DISC1: variants seen among roughly 807,000 people sequenced by gnomAD.
The protein encoded by DISC1 is DISC1 scaffold protein.
Under a neutral mutation model 84.5 loss-of-function variants are expected in DISC1, and 57 were observed. The observed-to-expected ratio is 0.67, with a 90% CI of 0.55 to 0.84. DISC1 has a LOEUF of 0.84. Among genes scored for constraint, DISC1 ranks in the 40% least tolerant of loss-of-function variants. The pLI is 0.00. For missense variants in DISC1, 1,000 were observed against 1,057.8 expected (o/e 0.95, Z 0.76); for synonymous variants, 411 against 415.2 (o/e 0.99, Z 0.12).
chr1:231,941,512 C>CG (rs2091341258), intron 9 of DISC1, among the ~76,000 whole-genome samples: 1 of 151,206 alleles, frequency 6.6e-6, no homozygotes, highest in Non-Finnish European at 1.5e-5. Flanking sequence ...CTTGCTCTGT[C>CG]ACCAGGCTGG....
chr1:231,779,760 C>T lies in DISC1; in HGVS notation c.1634+8690C>T, dbSNP rs192291035. 1.3e-4 allele frequency among the ~76,000 whole-genome samples: 20 copies of T among 151,808 alleles called. No individual in the cohort carries two copies. The East Asian group carries it at 1.4e-3, about 10-fold the overall frequency. On this transcript the variant is annotated intron_variant, in intron 6 of 12. Coordinates refer to ENST00000439617, the MANE Select transcript of DISC1 (RefSeq NM_018662.3). The stretch of plus-strand genomic sequence containing the variant: ...ATTTTTAGTAGAGATGGGGTTTCAC[C>T]GTGTTAGCCAGGATGGTCTCAATCT...
chr1:231,731,382 C>G (rs2071491234), intron 3 of DISC1, among the ~76,000 whole-genome samples: 1 of 152,154 alleles, frequency 6.6e-6, no homozygotes, highest in African/African-American at 2.4e-5. Flanking sequence ...AGAGGTAGTT[C>G]ATGCAAAAAT....
intron 6 of DISC1, among the ~76,000 whole-genome samples, chr1:231,793,223 C>T (rs1489960601): frequency 1.3e-5 from 2 of 152,192 alleles, no homozygotes; most frequent in Non-Finnish European, 2.9e-5. Flanking sequence ...GATTTCCTGA[C>T]ACCCTGCACA....
intron 9 of DISC1, among the ~76,000 whole-genome samples, chr1:231,833,123 C>CAT (rs2082366248): frequency 6.7e-6 from 1 of 149,398 alleles, no homozygotes; most frequent in African/African-American, 2.5e-5. Flanking sequence ...CAATGAGATT[C>CAT]AGCTGTAGTC....
chr1:231,887,140 G>C (rs60588012), intron 9 of DISC1, among the ~76,000 whole-genome samples: 1 of 151,906 alleles, frequency 6.6e-6, no homozygotes, highest in Non-Finnish European at 1.5e-5. Context: ...GATTACAGGC[G>C]TGAGCCACCG....
rs115085432 is a variant in DISC1, at chr1:231,978,090, T to A, written c.2042+19202T>A. Among the ~76,000 whole-genome samples the A allele has an allele frequency of 3.5e-3, 534 of 152,316 alleles. 3 individuals carry two copies. The highest frequency in any genetic ancestry group is 0.012 in the African/African-American group (503 of 41,550). ...CACATGTGGTTTTTTTTTTCCTGTA[T>A]TTTCCATAAACTGGTAGTTAGGTCT... On this transcript the variant is annotated intron_variant, in intron 10 of 12. Transcript: ENST00000439617.
chr1:231,779,207 C>T (rs2077188618), intron 6 of DISC1, among the ~76,000 whole-genome samples: 1 of 152,156 alleles, frequency 6.6e-6, no homozygotes, highest in Non-Finnish European at 1.5e-5. Flanking sequence ...AGTCCTTGCA[C>T]CGCCAGATGC....
intron 9 of DISC1, among the ~76,000 whole-genome samples, chr1:231,910,306 G>A (rs908838096): frequency 1.2e-4 from 19 of 152,084 alleles, no homozygotes; most frequent in Non-Finnish European, 2.1e-4. Flanking sequence ...TCTCTTGTGG[G>A]CATGTAGTGC....
At chr1:231,640,336 T>G (rs1437497422) in intron 1 of DISC1, among the ~76,000 whole-genome samples, 1 of 152,166 alleles carries the variant, frequency 6.6e-6, no homozygotes, top group African/African-American at 2.4e-5. Flanking sequence ...GAAGAACAGA[T>G]GAACATAAGA....
intron 10 of DISC1, among the ~76,000 whole-genome samples, chr1:232,006,733 G>C (rs946683408): frequency 2.0e-5 from 3 of 152,174 alleles, no homozygotes; most frequent in Admixed American, 2.0e-4. Context: ...ATTCAAGCTG[G>C]CTGCAGAAAT....
At chr1:231,866,714 C>T (rs79778165) in intron 9 of DISC1, 29,006 of 1,356,312 alleles carry the variant, frequency 0.021, 382 homozygotes, top group South Asian at 0.043. Flanking sequence ...GAAAAGAAAG[C>T]ATGTCTTCGA....
At chr1:231,935,366 T>G (rs2090916544) in intron 9 of DISC1, among the ~76,000 whole-genome samples, 1 of 152,138 alleles carries the variant, frequency 6.6e-6, no homozygotes, top group Non-Finnish European at 1.5e-5. Flanking sequence ...AAGCACTAAA[T>G]TTTATTAGAG....
intron 9 of DISC1, among the ~76,000 whole-genome samples, chr1:231,910,333 C>T (rs900432742): frequency 1.3e-5 from 2 of 152,194 alleles, no homozygotes; most frequent in Middle Eastern, 3.2e-3. Context: ...TTTCCCTCTA[C>T]ACACTGCTTT....
intron 9 of DISC1, among the ~76,000 whole-genome samples, chr1:231,889,551 A>G (rs1005573011): frequency 2.0e-5 from 3 of 152,184 alleles, no homozygotes; most frequent in African/African-American, 4.8e-5. Flanking sequence ...GAGAGATTTA[A>G]TCTGTTTCTG....
chr1:231,912,556 G>A (rs2089292873), intron 9 of DISC1, among the ~76,000 whole-genome samples: 1 of 152,122 alleles, frequency 6.6e-6, no homozygotes, highest in Non-Finnish European at 1.5e-5. Context: ...CGTCTCAGAG[G>A]GGCACCTGGC....
chr1:231,991,473 C>T (rs1665190815), intron 10 of DISC1, among the ~76,000 whole-genome samples: 2 of 152,084 alleles, frequency 1.3e-5, no homozygotes, highest in Admixed American at 6.5e-5. Flanking sequence ...TCCATTTATC[C>T]TATAGTTCTC....
At position 231,941,984 on chromosome 1, in the gene DISC1, G is replaced by A. The variant is rs76665469; in HGVS notation, c.1982-16844G>A. Among the ~76,000 whole-genome samples, 1,080 of 152,180 alleles carry A rather than the reference G, an allele frequency of 7.1e-3. 9 individuals carry two copies. Among genetic ancestry groups the A allele is most frequent in the Non-Finnish European group, 0.011 (740 of 68,014 alleles). On this transcript the variant is annotated intron_variant, in intron 9 of 12. Coordinates refer to ENST00000439617, the MANE Select transcript of DISC1 (RefSeq NM_018662.3). ...TGCCCCCACAGGGAGGGAGCAGAGC[G>A]TGCCAGACAGAGGATGGGGAAAGAG...
chr1:231,700,596 T>C (rs1310994323), intron 2 of DISC1, among the ~76,000 whole-genome samples: 1 of 152,176 alleles, frequency 6.6e-6, no homozygotes, highest in Admixed American at 6.5e-5. Flanking sequence ...TTTTCAACTG[T>C]ATAGGGCCGG....
intron 4 of DISC1, among the ~76,000 whole-genome samples, chr1:231,754,209 T>C (rs925438662): frequency 2.0e-5 from 3 of 152,206 alleles, no homozygotes; most frequent in African/African-American, 7.2e-5. Context: ...GCCCCACTTC[T>C]TGGTACCAAT....
Sources: allele counts gnomAD v4.1 joint callset (sites outside exome capture counted in the v4.1 genomes callset), GRCh38; gene constraint gnomAD v4.1.1; transcripts MANE v1.5; gene names NCBI Gene and HGNC (gene_info 2026-07-23, HGNC 2026-07-21).